The following IRAK1BP1 variants were observed in gnomAD, a reference collection of about 807,000 sequenced individuals.
IRAK1BP1 encodes interleukin-1 receptor-associated kinase 1-binding protein 1.
In IRAK1BP1, 24 loss-of-function variants were observed where a neutral mutation model predicts 28.0. That is an observed-to-expected ratio of 0.86 (90% CI 0.62 to 1.20). The LOEUF is 1.20. Among genes scored for constraint, IRAK1BP1 ranks in the 50% most tolerant of loss-of-function variants. IRAK1BP1 has a pLI of 0.00. For missense variants in IRAK1BP1, 336 were observed against 316.7 expected (o/e 1.06, Z -0.46); for synonymous variants, 131 against 116.3 (o/e 1.13, Z -0.81).
At chr6:78,878,707 T>C (rs1771105067) in intron 1 of IRAK1BP1, among the ~76,000 whole-genome samples, 1 of 152,130 alleles carries the variant, frequency 6.6e-6, no homozygotes, top group South Asian at 2.1e-4. Flanking sequence ...TTCTCCGACC[T>C]AAAAGAGGAT....
chr6:78,870,109 C>CAA (rs70977749), intron 1 of IRAK1BP1, among the ~76,000 whole-genome samples: 29 of 41,558 alleles, frequency 7.0e-4, no homozygotes, highest in East Asian at 8.0e-4. Flanking sequence ...AACTCCGTCC[C>CAA]AAAAAAAAAA....
chr6:78,973,333 A>AT, the IRAK1BP1 span, among the ~76,000 whole-genome samples: 2 of 150,822 alleles, frequency 1.3e-5, no homozygotes, highest in African/African-American at 4.9e-5. Flanking sequence ...ATGCTGAGAG[A>AT]TTTTGTCACC....
intron 4 of IRAK1BP1, among the ~76,000 whole-genome samples, chr6:78,920,414 C>T (rs1772691922): frequency 6.6e-6 from 1 of 152,182 alleles, no homozygotes; most frequent in Non-Finnish European, 1.5e-5. Flanking sequence ...TAGGATGGTA[C>T]TGGTACAAAA....
intron 4 of IRAK1BP1, chr6:78,937,964 G>A (rs769487382): frequency 6.6e-6 from 1 of 151,554 alleles, no homozygotes; most frequent in South Asian, 2.1e-4. Flanking sequence ...AATTGGAGAT[G>A]TTTTTATTGC....
rs1423419928 is a variant in IRAK1BP1 at position 78,872,104 on chromosome 6, A to G, written c.315+4213A>G. ...GAAATGAATGGAAAGAGACCCCAGC[A>G]TCTTCACCCCTTGGGGTCGGATAAT... is the stretch of plus-strand genomic sequence containing the variant. On this transcript the variant is annotated intron_variant, in intron 1 of 3. Transcript: ENST00000369940. The G allele has an allele frequency of 4.3e-6, 3 of 701,326 alleles. No homozygotes were observed. The South Asian group carries it at 4.5e-5, about 10-fold the overall frequency. 43.4% of individuals were successfully genotyped at this position (701,326 alleles called of 1,614,324 possible). A position where few individuals can be genotyped will look rare whatever the true frequency, so the allele number is the denominator to read the frequency against.
intron 1 of IRAK1BP1, among the ~76,000 whole-genome samples, chr6:78,870,801 T>C (rs779739324): frequency 1.6e-4 from 24 of 151,948 alleles, no homozygotes; most frequent in Admixed American, 6.6e-4. Flanking sequence ...AACCTCCGCC[T>C]CCCAGGTTCA....
the IRAK1BP1 span, chr6:78,954,778 C>A: frequency 1.4e-6 from 2 of 1,432,978 alleles, no homozygotes; most frequent in Non-Finnish European, 1.9e-6. Flanking sequence ...ATGTAGCAAA[C>A]TGACAGGTAA....
chr6:78,945,379 C>T lies in IRAK1BP1; in HGVS notation c.*68-29C>T, dbSNP rs756812200. 4 of 1,613,650 alleles carry T rather than the reference C, an allele frequency of 2.5e-6. No individual in the cohort carries two copies. In the Admixed American group the frequency reaches 5.0e-5, roughly 20 times the overall value. On this transcript the variant is annotated intron_variant and NMD_transcript_variant, in intron 4 of 4. Coordinates refer to the IRAK1BP1 transcript ENST00000606868. ...ATGACTTCATTTTACGTTTGACTGG[C>T]TTTTCCTTTTCCATGTTTTCTTTTG...
chr6:78,909,559 C>G (rs144048609), intron 4 of IRAK1BP1, among the ~76,000 whole-genome samples: 1 of 152,310 alleles, frequency 6.6e-6, no homozygotes, highest in African/African-American at 2.4e-5. Context: ...AAGGGCATGA[C>G]AAATGCAGAA....
At chr6:78,877,832 CAGG>C (rs1414684870) in intron 1 of IRAK1BP1, among the ~76,000 whole-genome samples, 5 of 152,148 alleles carry the variant, frequency 3.3e-5, no homozygotes, top group East Asian at 3.9e-4. Context: ...AACGACACAC[CAGG>C]AGATTATATC....
At chr6:78,970,319 G>A in the IRAK1BP1 span, 1 of 635,644 alleles carries the variant, frequency 1.6e-6, no homozygotes, top group Non-Finnish European at 2.7e-6. Flanking sequence ...ACTGAGCTCT[G>A]TATTAAGATT....
chr6:78,954,796 AT>A, the IRAK1BP1 span: 2 of 1,546,334 alleles, frequency 1.3e-6, no homozygotes, highest in East Asian at 2.4e-5. Context: ...TAAAGAAAAT[AT>A]TTTCAAAAAT....
chr6:78,975,756 A>C, the IRAK1BP1 span, among the ~76,000 whole-genome samples: 1 of 152,030 alleles, frequency 6.6e-6, no homozygotes, highest in African/African-American at 2.4e-5. Context: ...CCAAATCATG[A>C]GTGAACTCCC....
intron 4 of IRAK1BP1, among the ~76,000 whole-genome samples, chr6:78,927,405 C>G (rs1309934693): frequency 6.6e-6 from 1 of 151,884 alleles, no homozygotes; most frequent in African/African-American, 2.4e-5. Flanking sequence ...GGATGTTTTT[C>G]CTATAAAGGT....
intron 4 of IRAK1BP1, among the ~76,000 whole-genome samples, chr6:78,917,895 G>A (rs1430835527): frequency 6.6e-6 from 1 of 152,132 alleles, no homozygotes; most frequent in African/African-American, 2.4e-5. Context: ...TTACCACTAG[G>A]TCAGCCTTAC....
At chr6:78,885,887 T>G (rs1771414899) in intron 2 of IRAK1BP1, among the ~76,000 whole-genome samples, 1 of 152,198 alleles carries the variant, frequency 6.6e-6, no homozygotes, top group African/African-American at 2.4e-5. Context: ...TTAAAAAGAA[T>G]AAAACTATTT....
rs181777007 is a variant in IRAK1BP1, at chr6:78,943,481, G to A, written c.*68-1927G>A. Among the ~76,000 whole-genome samples, 196 of 152,282 alleles carry A rather than the reference G, an allele frequency of 1.3e-3. 2 individuals carry two copies. Among genetic ancestry groups the A allele is most frequent in the South Asian group, 0.012 (57 of 4,826 alleles). On this transcript the variant is annotated intron_variant and NMD_transcript_variant, in intron 4 of 4. Transcript: ENST00000606868. Reference sequence around the variant, plus strand: ...CTATTCAAACTCTAAATTCAGTTCAGAAAGGGGGCAGATTATTAAAAATGT... The same window carrying A: ...CTATTCAAACTCTAAATTCAGTTCAAAAAGGGGGCAGATTATTAAAAATGT...
downstream of IRAK1BP1, among the ~76,000 whole-genome samples, chr6:78,950,583 C>T (rs1300859751): frequency 1.3e-5 from 2 of 152,040 alleles, no homozygotes; most frequent in Non-Finnish European, 2.9e-5. Context: ...CTTTGAATAT[C>T]GGTCTATTTC....
At chr6:78,973,961 G>T in the IRAK1BP1 span, among the ~76,000 whole-genome samples, 1 of 152,054 alleles carries the variant, frequency 6.6e-6, no homozygotes, top group Non-Finnish European at 1.5e-5. Flanking sequence ...ACATTAGACA[G>T]ATCAACGAGA....
Sources: allele counts gnomAD v4.1 joint callset (sites outside exome capture counted in the v4.1 genomes callset), GRCh38; gene constraint gnomAD v4.1.1; transcripts MANE v1.5; gene names NCBI Gene and HGNC (gene_info 2026-07-23, HGNC 2026-07-21).